Variants in FRMD6 observed in about 807,000 individuals in gnomAD.
The protein encoded by FRMD6 is FERM domain-containing protein 6.
FRMD6 carries 37 observed loss-of-function variants against 73.2 expected under a neutral mutation model. The ratio of observed to expected loss-of-function variants is 0.51; its 90% CI spans 0.39 to 0.66. The LOEUF (loss-of-function observed/expected upper bound fraction) is 0.66. FRMD6 is among the 30% of genes least tolerant of loss of function. FRMD6 has a pLI of 0.00. For synonymous variants in FRMD6, 273 were observed against 282.2 expected, an observed-to-expected ratio of 0.97 and a Z score of 0.33; for missense variants, 714 against 780.5, an observed-to-expected ratio of 0.91 and a Z score of 1.02.
chr14:51,437,845 T>C, the FRMD6 span, among the ~76,000 whole-genome samples: 6 of 152,150 alleles, frequency 3.9e-5, no homozygotes, highest in African/African-American at 1.4e-4. Flanking sequence ...CTGTACAGAA[T>C]CAACACCACT....
At chr14:51,488,909 G>A (rs1327235041), upstream of FRMD6, among the ~76,000 whole-genome samples, 1 of 152,186 alleles carries the variant, frequency 6.6e-6, no homozygotes, top group Non-Finnish European at 1.5e-5. Flanking sequence ...CCGAGAGCTT[G>A]ATTAATAATC....
intron 1 of FRMD6, among the ~76,000 whole-genome samples, chr14:51,668,693 G>A (rs1185401503): frequency 6.6e-6 from 1 of 151,534 alleles, no homozygotes; most frequent in Non-Finnish European, 1.5e-5. Flanking sequence ...TTGAGACTGA[G>A]TCTCCCTCTG....
chr14:51,455,059 G>A, the FRMD6 span, among the ~76,000 whole-genome samples: 8 of 152,230 alleles, frequency 5.3e-5, no homozygotes, highest in African/African-American at 1.9e-4. Context: ...TGTTGAGAGA[G>A]AGAGAGAGAG....
intron 3 of FRMD6, among the ~76,000 whole-genome samples, chr14:51,699,385 A>G (rs570809602): frequency 6.6e-6 from 1 of 152,240 alleles, no homozygotes; most frequent in South Asian, 2.1e-4. Context: ...AACTTTTAGT[A>G]TTCCATGCTC....
intron 1 of FRMD6, among the ~76,000 whole-genome samples, chr14:51,662,248 A>C (rs1040999948): frequency 8.5e-5 from 13 of 152,294 alleles, no homozygotes; most frequent in African/African-American, 3.1e-4. Context: ...TATTCTGTCC[A>C]TAAAGAATGG....
In FRMD6 at chr14:51,689,906, A is replaced by G. The variant is rs1167517953; in HGVS notation, c.70A>G (p.Asn24Asp). Residue 24 changes from asparagine to aspartate, a missense_variant, in exon 2 of 14, where the codon AAC becomes GAC. By Grantham distance (23) the Asn-to-Asp change is conservative. Transcript: ENST00000344768. ...DRRSVCIFLP[N>D]DESLNIIINV... ...CCGCAGTGTGTGCATTTTCCTTCCC[A>G]ACGATGAATCTCTGAACATCATCAT... The G allele has an allele frequency of 1.2e-6, 2 of 1,610,932 alleles. No individual in the cohort carries two copies. The highest frequency in any genetic ancestry group is 2.7e-5 in the African/African-American group (2 of 74,896).
At chr14:51,693,585 A>G (rs1895749517) in intron 2 of FRMD6, among the ~76,000 whole-genome samples, 1 of 149,096 alleles carries the variant, frequency 6.7e-6, no homozygotes, top group Non-Finnish European at 1.5e-5. Flanking sequence ...GCAAGGATTT[A>G]AAGATGTCAC....
At chr14:51,428,665 G>A in the FRMD6 span, among the ~76,000 whole-genome samples, 89 of 152,214 alleles carry the variant, frequency 5.8e-4, no homozygotes, top group African/African-American at 2.0e-3. Context: ...TAAATAATTA[G>A]GGGCTAGAGG....
intron 1 of FRMD6, among the ~76,000 whole-genome samples, chr14:51,493,570 C>T (rs1883134260): frequency 6.6e-6 from 1 of 152,196 alleles, no homozygotes; most frequent in Admixed American, 6.5e-5. Flanking sequence ...GAGGCATCCC[C>T]AGCCCTGTGG....
chr14:51,653,289 A>G (rs1892563372), intron 1 of FRMD6, among the ~76,000 whole-genome samples: 1 of 152,200 alleles, frequency 6.6e-6, no homozygotes, highest in Non-Finnish European at 1.5e-5. Context: ...TAGTTTTTGC[A>G]CGAAATACTC....
chr14:51,402,735 T>C, the FRMD6 span, among the ~76,000 whole-genome samples: 1 of 150,996 alleles, frequency 6.6e-6, no homozygotes, highest in East Asian at 1.9e-4. Context: ...GCCACCCGGG[T>C]TCACGCCATT....
chr14:51,691,964 C>T (rs1369683173), intron 2 of FRMD6, among the ~76,000 whole-genome samples: 1 of 148,506 alleles, frequency 6.7e-6, no homozygotes, highest in African/African-American at 2.5e-5. Context: ...AAATATATGA[C>T]ATTTAAATAA....
chr14:51,505,445 G>C (rs1367363896), intron 1 of FRMD6, among the ~76,000 whole-genome samples: 1 of 152,108 alleles, frequency 6.6e-6, no homozygotes, highest in Non-Finnish European at 1.5e-5. Context: ...AGGGAAAGGG[G>C]CTCACATGTC....
chr14:51,553,341 A>G (rs986644445), intron 1 of FRMD6, among the ~76,000 whole-genome samples: 1 of 152,244 alleles, frequency 6.6e-6, no homozygotes, highest in Non-Finnish European at 1.5e-5. Flanking sequence ...TTAATCAGAC[A>G]GGTTCCCAGA....
At chr14:51,466,199 A>C in the FRMD6 span, among the ~76,000 whole-genome samples, 6 of 152,190 alleles carry the variant, frequency 3.9e-5, no homozygotes, top group African/African-American at 9.6e-5. Context: ...ATAGATTGCA[A>C]ATATTTTCTT....
exon 1 of FRMD6, chr14:51,489,413 A>G (rs1882864126): frequency 6.6e-6 from 1 of 152,666 alleles, no homozygotes; most frequent in African/African-American, 2.4e-5. Flanking sequence ...TGGTGGCTCC[A>G]GCAGCAGGTA....
intron 5 of FRMD6, among the ~76,000 whole-genome samples, chr14:51,702,923 C>A (rs1566579374): frequency 6.6e-6 from 1 of 151,998 alleles, no homozygotes. Flanking sequence ...CAAGAAGAAA[C>A]TAGCACTTTT....
intron 1 of FRMD6, among the ~76,000 whole-genome samples, chr14:51,557,308 CT>C (rs1887194938): frequency 6.6e-6 from 1 of 151,696 alleles, no homozygotes; most frequent in Admixed American, 6.6e-5. Flanking sequence ...ATTATTCAGC[CT>C]TTAAAGAGAA....
At chr14:51,475,852 TGCTGAGGTCCACAG>T in the FRMD6 span, among the ~76,000 whole-genome samples, 1 of 152,134 alleles carries the variant, frequency 6.6e-6, no homozygotes, top group Non-Finnish European at 1.5e-5. Flanking sequence ...AAAAGCCATA[TGCTGAGGTCCACAG>T]AGAATGTCTA....
Sources: allele counts gnomAD v4.1 joint callset (sites outside exome capture counted in the v4.1 genomes callset), GRCh38; gene constraint gnomAD v4.1.1; transcripts MANE v1.5; gene names NCBI Gene and HGNC (gene_info 2026-07-23, HGNC 2026-07-21).